The following SNAP91 variants were observed in gnomAD, a reference collection of about 807,000 sequenced individuals.
SNAP91 encodes the protein clathrin coat assembly protein AP180.
SNAP91 carries 27 observed loss-of-function variants against 100.3 expected under a neutral mutation model. That is an observed-to-expected ratio of 0.27 (90% CI 0.20 to 0.37). SNAP91 has a LOEUF of 0.37. SNAP91 is among the 10% of genes least tolerant of loss of function. SNAP91 has a pLI of 1.00. For missense variants in SNAP91, 986 were observed against 1,123.7 expected, an observed-to-expected ratio of 0.88 and a Z score of 1.75; for synonymous variants, 404 against 398.6, an observed-to-expected ratio of 1.01 and a Z score of -0.16.
At chr6:83,669,657 T>G (rs544914889) in intron 2 of SNAP91, among the ~76,000 whole-genome samples, 11 of 152,146 alleles carry the variant, frequency 7.2e-5, no homozygotes, top group African/African-American at 2.6e-4. Flanking sequence ...TCTCTTCTCC[T>G]GCTGTCCCTT....
At chr6:83,617,118 T>C (rs758707275) in intron 9 of SNAP91, 79 bp from the exon 10 acceptor site, 2 of 935,794 alleles carry the variant, frequency 2.1e-6, no homozygotes, top group East Asian at 2.8e-5. Context: ...TGTAACTGTA[T>C]GGTGGAAGTC....
chr6:83,575,277 A>G, intron 25 of SNAP91, 156 bp from the exon 26 acceptor site: 3 of 615,868 alleles, frequency 4.9e-6, no homozygotes, highest in Non-Finnish European at 8.5e-6. Context: ...TTACAGAGGA[A>G]TCTTGCCATG....
intron 7 of SNAP91, among the ~76,000 whole-genome samples, chr6:83,641,773 G>C (rs1385248504): frequency 6.6e-6 from 1 of 151,980 alleles, no homozygotes; most frequent in Non-Finnish European, 1.5e-5. Flanking sequence ...GAAAAAATTT[G>C]TTTTACTATA....
chr6:83,707,729 A>G, intron 2 of SNAP91, 69 bp downstream of exon 2: 2 of 1,585,646 alleles, frequency 1.3e-6, no homozygotes, highest in Non-Finnish European at 1.7e-6. Flanking sequence ...CCAAGAGCGC[A>G]GGCCGCACCA....
intron 2 of SNAP91, among the ~76,000 whole-genome samples, chr6:83,696,353 T>C (rs2099211172): frequency 6.6e-6 from 1 of 152,186 alleles, no homozygotes; most frequent in South Asian, 2.1e-4. Flanking sequence ...CTATTCAAGA[T>C]AGGTAGATAA....
In SNAP91 at chr6:83,582,367, G is replaced by A; in HGVS notation, c.2015-11C>T. ...AAGAACCCCCAAATCCTGAAAAAAA[G>A]TTCCAAAAAAACAAGCAGAAATAAC... On this transcript the variant is annotated splice_polypyrimidine_tract_variant and intron_variant, in intron 22 of 29. Coordinates refer to ENST00000369694, the MANE Select transcript of SNAP91 (RefSeq NM_001242792.2). 6.2e-7 allele frequency: 1 copy of A among 1,607,514 alleles called. No homozygotes were observed. The highest frequency in any genetic ancestry group is 1.7e-4 in the Middle Eastern group (1 of 6,026).
intron 9 of SNAP91, among the ~76,000 whole-genome samples, chr6:83,619,113 C>CA (rs200578794): frequency 0.41 from 60,891 of 148,730 alleles, 12,452 homozygotes; most frequent in South Asian, 0.5. Context: ...GTAGAAGTCA[C>CA]AAAAAAAAAA....
At chr6:83,628,529 T>TA (rs2097067180) in intron 8 of SNAP91, among the ~76,000 whole-genome samples, 1 of 151,794 alleles carries the variant, frequency 6.6e-6, no homozygotes, top group African/African-American at 2.4e-5. Context: ...TACTGTTTTT[T>TA]TTTTTATTTT....
chr6:83,587,760 T>C (rs1300479941), intron 22 of SNAP91, among the ~76,000 whole-genome samples: 1 of 152,190 alleles, frequency 6.6e-6, no homozygotes, highest in Non-Finnish European at 1.5e-5. Flanking sequence ...CAGAATTTTT[T>C]TCATTTTTTA....
At chr6:83,637,628 A>G (rs1165665907) in intron 8 of SNAP91, among the ~76,000 whole-genome samples, 2 of 152,132 alleles carry the variant, frequency 1.3e-5, no homozygotes, top group Non-Finnish European at 2.9e-5. Flanking sequence ...GCTGTTCCAG[A>G]TGATGTGGGC....
intron 8 of SNAP91, among the ~76,000 whole-genome samples, chr6:83,631,099 C>G (rs1192176634): frequency 6.6e-6 from 1 of 152,114 alleles, no homozygotes; most frequent in East Asian, 1.9e-4. Flanking sequence ...GTTTTTGACC[C>G]AATGCTCATT....
chr6:83,563,708 G>T (rs979984963), intron 26 of SNAP91, among the ~76,000 whole-genome samples: 4 of 152,090 alleles, frequency 2.6e-5, no homozygotes, highest in Non-Finnish European at 5.9e-5. Context: ...GTGTTCCTGG[G>T]GAACTAGCAA....
intron 2 of SNAP91, among the ~76,000 whole-genome samples, chr6:83,703,388 T>C (rs2099344475): frequency 6.6e-6 from 1 of 152,158 alleles, no homozygotes; most frequent in African/African-American, 2.4e-5. Flanking sequence ...TGGTGTCTAC[T>C]GAATTAGTGT....
chr6:83,644,012 G>A (rs2097819046), intron 7 of SNAP91, among the ~76,000 whole-genome samples: 2 of 152,062 alleles, frequency 1.3e-5, no homozygotes, highest in South Asian at 4.1e-4. Flanking sequence ...GATTTATTCT[G>A]GCAAAACATA....
intron 2 of SNAP91, among the ~76,000 whole-genome samples, chr6:83,685,715 AT>A (rs2099051126): frequency 6.6e-6 from 1 of 152,250 alleles, no homozygotes; most frequent in Non-Finnish European, 1.5e-5. Flanking sequence ...TATCAAGTAG[AT>A]CTCCCATCTC....
intron 26 of SNAP91, among the ~76,000 whole-genome samples, chr6:83,570,476 AT>A (rs1804898689): frequency 2.7e-5 from 4 of 149,616 alleles, no homozygotes; most frequent in African/African-American, 9.9e-5. Context: ...CACCAACACA[AT>A]GGGGAAAATG....
intron 7 of SNAP91, among the ~76,000 whole-genome samples, chr6:83,648,339 G>A (rs2098041851): frequency 6.6e-6 from 1 of 150,428 alleles, no homozygotes; most frequent in Non-Finnish European, 1.5e-5. Context: ...TACATCTTTT[G>A]TTTATCTATG....
At chr6:83,705,812 G>C (rs1338362799) in intron 2 of SNAP91, among the ~76,000 whole-genome samples, 1 of 133,594 alleles carries the variant, frequency 7.5e-6, no homozygotes, top group Non-Finnish European at 1.6e-5. Context: ...CTCACAAAGA[G>C]AAAAAAAAAA....
At chr6:83,695,367 T>C (rs2099191720) in intron 2 of SNAP91, among the ~76,000 whole-genome samples, 1 of 150,556 alleles carries the variant, frequency 6.6e-6, no homozygotes, top group South Asian at 2.1e-4. Context: ...TGATCACACC[T>C]CATAAATTTT....
Sources: allele counts gnomAD v4.1 joint callset (sites outside exome capture counted in the v4.1 genomes callset), GRCh38; gene constraint gnomAD v4.1.1; transcripts MANE v1.5; gene names NCBI Gene and HGNC (gene_info 2026-07-23, HGNC 2026-07-21).